Variants in CMIP observed in about 807,000 individuals in gnomAD.
CMIP encodes c-Maf inducing protein.
Under a neutral mutation model 97.3 loss-of-function variants are expected in CMIP, and 13 were observed. That is an observed-to-expected ratio of 0.13 (90% CI 0.09 to 0.21). CMIP has a LOEUF of 0.21. Among genes scored for constraint, CMIP ranks in the 10% least tolerant of loss-of-function variants. The pLI, the probability that CMIP is intolerant of heterozygous loss-of-function variation, is 1.00. For synonymous variants in CMIP, 538 were observed against 436.3 expected (o/e 1.23, Z -2.91); for missense variants, 847 against 1,024.9 (o/e 0.83, Z 2.37).
intron 1 of CMIP, among the ~76,000 whole-genome samples, chr16:81,526,860 G>A (rs1248711145): frequency 6.6e-6 from 1 of 152,218 alleles, no homozygotes; most frequent in East Asian, 1.9e-4. Flanking sequence ...AGGGCCCTGA[G>A]CCTCTCTCTA....
At chr16:81,704,913 G>A (rs1268549926) in intron 18 of CMIP, among the ~76,000 whole-genome samples, 1 of 151,808 alleles carries the variant, frequency 6.6e-6, no homozygotes, top group Admixed American at 6.6e-5. Flanking sequence ...GAGAGGTAGA[G>A]CTGAGACGTG....
intron 10 of CMIP, among the ~76,000 whole-genome samples, chr16:81,679,435 G>A (rs1904642015): frequency 6.6e-6 from 1 of 152,124 alleles, no homozygotes; most frequent in Non-Finnish European, 1.5e-5. Context: ...GCCCATGTAT[G>A]TGTGTGTTGT....
At chr16:81,605,382 TC>T (rs1227275720) in intron 1 of CMIP, among the ~76,000 whole-genome samples, 1 of 149,884 alleles carries the variant, frequency 6.7e-6, no homozygotes, top group Non-Finnish European at 1.5e-5. Flanking sequence ...GATTGTGGGG[TC>T]CAGGCAGCCT....
rs112979489 is a variant in CMIP, at chr16:81,668,150, C to G, written c.826-1992C>G. 1.1e-3 allele frequency among the ~76,000 whole-genome samples: 173 copies of G among 152,228 alleles called. 1 individual carries two copies. Among genetic ancestry groups the G allele is most frequent in the African/African-American group, 3.8e-3 (159 of 41,542 alleles). ...GCTTGAAGTCCTGATGCAGGCTGCTCTCCTTAAAAAATGGGTTCCACTGAG... is the reference window on the plus strand; with the variant it reads ...GCTTGAAGTCCTGATGCAGGCTGCTGTCCTTAAAAAATGGGTTCCACTGAG... On this transcript the variant is annotated intron_variant, in intron 7 of 20. Transcript: ENST00000537098.
chr16:81,506,725 C>T (rs2089715721), intron 1 of CMIP, among the ~76,000 whole-genome samples: 1 of 151,208 alleles, frequency 6.6e-6, no homozygotes. Flanking sequence ...CCAGCCTGGC[C>T]ACACTAGTGA....
chr16:81,564,575 A>G (rs563961635), intron 1 of CMIP, among the ~76,000 whole-genome samples: 36 of 152,230 alleles, frequency 2.4e-4, no homozygotes, highest in Non-Finnish European at 3.2e-4. Flanking sequence ...GCCGGGAGCC[A>G]GGAGTTCTCA....
intron 1 of CMIP, among the ~76,000 whole-genome samples, chr16:81,576,525 C>T (rs1215358296): frequency 6.6e-6 from 1 of 152,108 alleles, no homozygotes; most frequent in Admixed American, 6.5e-5. Flanking sequence ...TAATGAAACG[C>T]AGTATTATGT....
At chr16:81,528,812 C>G (rs1001159754) in intron 1 of CMIP, among the ~76,000 whole-genome samples, 3 of 152,220 alleles carry the variant, frequency 2.0e-5, no homozygotes, top group African/African-American at 7.2e-5. Context: ...CCCTGCTTTA[C>G]TGCCATCATC....
At chr16:81,555,684 A>G (rs768261947) in intron 1 of CMIP, among the ~76,000 whole-genome samples, 2 of 152,188 alleles carry the variant, frequency 1.3e-5, no homozygotes, top group Non-Finnish European at 2.9e-5. Flanking sequence ...ATGGGTCCCC[A>G]CCAGGGTATA....
chr16:81,688,677 A>C (rs1053133576), intron 10 of CMIP, among the ~76,000 whole-genome samples: 3 of 151,880 alleles, frequency 2.0e-5, no homozygotes, highest in Non-Finnish European at 4.4e-5. Flanking sequence ...TTTTTAATAT[A>C]CTTTAAGTTC....
intron 1 of CMIP, among the ~76,000 whole-genome samples, chr16:81,558,946 C>T (rs946495242): frequency 7.2e-5 from 11 of 152,224 alleles, no homozygotes; most frequent in Non-Finnish European, 1.6e-4. Flanking sequence ...CACTGGCAGG[C>T]GAGCCCAGTA....
intron 1 of CMIP, among the ~76,000 whole-genome samples, chr16:81,573,636 G>A (rs1210924606): frequency 6.6e-6 from 1 of 152,098 alleles, no homozygotes; most frequent in Non-Finnish European, 1.5e-5. Context: ...GGGCCCTAGG[G>A]TTGGGGGAGG....
chr16:81,591,639 A>G (rs2150919995), intron 1 of CMIP, among the ~76,000 whole-genome samples: 1 of 152,212 alleles, frequency 6.6e-6, no homozygotes, highest in Admixed American at 6.5e-5. Context: ...TAATCTGTAG[A>G]GATGGAGGTC....
At chr16:81,567,526 A>T (rs1221613247) in intron 1 of CMIP, among the ~76,000 whole-genome samples, 3 of 152,228 alleles carry the variant, frequency 2.0e-5, no homozygotes, top group Non-Finnish European at 4.4e-5. Flanking sequence ...TGGGTAAGGG[A>T]TGCCACGTCT....
intron 1 of CMIP, among the ~76,000 whole-genome samples, chr16:81,520,970 T>C (rs1362270443): frequency 6.6e-6 from 1 of 152,198 alleles, no homozygotes; most frequent in Non-Finnish European, 1.5e-5. Flanking sequence ...CTCTTTAAAT[T>C]AGCGGTGGCA....
At chr16:81,506,511 G>T (rs974396424) in intron 1 of CMIP, among the ~76,000 whole-genome samples, 1 of 152,212 alleles carries the variant, frequency 6.6e-6, no homozygotes, top group African/African-American at 2.4e-5. Flanking sequence ...ATTGGAAAAT[G>T]GAGATTAAAA....
intron 1 of CMIP, among the ~76,000 whole-genome samples, chr16:81,501,484 G>C (rs1460829449): frequency 6.6e-6 from 1 of 152,098 alleles, no homozygotes; most frequent in African/African-American, 2.4e-5. Flanking sequence ...AGCGTCATCT[G>C]CAGAACAGCC....
At chr16:81,547,001 T>G (rs1299543015) in intron 1 of CMIP, among the ~76,000 whole-genome samples, 1 of 151,804 alleles carries the variant, frequency 6.6e-6, no homozygotes, top group Non-Finnish European at 1.5e-5. Context: ...CCCCCGGGAG[T>G]GCACAGCCTT....
rs1245309814 is a variant in CMIP at position 81,614,238 on chromosome 16, A to C, written c.426+6546A>C. Among the ~76,000 whole-genome samples the C allele has an allele frequency of 6.6e-6, 1 of 152,192 alleles. No homozygotes were observed. The highest frequency in any genetic ancestry group is 1.5e-5 in the Non-Finnish European group (1 of 68,026). On this transcript the variant is annotated intron_variant, in intron 2 of 20. Coordinates refer to ENST00000537098, the MANE Select transcript of CMIP (RefSeq NM_198390.3). This position sits in a 1 kb window ranked among gnomAD's most constrained non-coding sequence, Gnocchi z 5.3. ...GCTGCATGGAAGCCAGTCTGAGAGCAGGGCAGGCCAGGTGCTGCCACAGTC... is the reference window on the plus strand; with the variant it reads ...GCTGCATGGAAGCCAGTCTGAGAGCCGGGCAGGCCAGGTGCTGCCACAGTC...
Sources: allele counts gnomAD v4.1 joint callset (sites outside exome capture counted in the v4.1 genomes callset), GRCh38; gene constraint gnomAD v4.1.1; non-coding constraint Gnocchi (gnomAD v3.1); transcripts MANE v1.5; gene names NCBI Gene and HGNC (gene_info 2026-07-23, HGNC 2026-07-21).